The following PCDHA2 variants were observed in gnomAD, a reference collection of about 807,000 sequenced individuals.
PCDHA2 encodes protocadherin alpha-2.
In PCDHA2, 58 loss-of-function variants were observed where a neutral mutation model predicts 66.0. That is an observed-to-expected ratio of 0.88 (90% CI 0.71 to 1.09). The LOEUF is 1.09. PCDHA2 is among the 50% of genes least tolerant of loss of function. The pLI is 0.00. For synonymous variants in PCDHA2, 634 were observed against 554.0 expected (o/e 1.14, Z -2.03); for missense variants, 1,267 against 1,242.3 (o/e 1.02, Z -0.30).
intron 1 of PCDHA2, chr5:140,815,490 TTA>T (rs1226346416): frequency 6.6e-6 from 1 of 151,982 alleles, no homozygotes; most frequent in East Asian, 1.9e-4. Flanking sequence ...TACCCAAATT[TTA>T]TGTTATTGAT....
At chr5:140,969,251 A>T in intron 1 of PCDHA2, 3 of 1,614,262 alleles carry the variant, frequency 1.9e-6, no homozygotes, top group Non-Finnish European at 2.5e-6. Context: ...AGTGACTGAC[A>T]GCAGGAATCT....
chr5:140,870,352 G>C, intron 1 of PCDHA2: 8 of 1,614,226 alleles, frequency 5.0e-6, no homozygotes, highest in Non-Finnish European at 5.9e-6. Context: ...CCGCGAGAAC[G>C]TGTGGGCCTA....
intron 1 of PCDHA2, among the ~76,000 whole-genome samples, chr5:140,844,874 A>G (rs1300687011): frequency 6.7e-6 from 1 of 149,392 alleles, no homozygotes; most frequent in Non-Finnish European, 1.5e-5. Context: ...TTAAATACCC[A>G]TTAGACTTCG....
chr5:141,007,472 G>A (rs2098331789), intron 3 of PCDHA2, among the ~76,000 whole-genome samples: 1 of 151,844 alleles, frequency 6.6e-6, no homozygotes, highest in Non-Finnish European at 1.5e-5. Context: ...GGAGGCTGAG[G>A]CACGAGAATT....
At chr5:141,007,613 T>C (rs1351675120) in intron 3 of PCDHA2, among the ~76,000 whole-genome samples, 1 of 152,056 alleles carries the variant, frequency 6.6e-6, no homozygotes, top group Non-Finnish European at 1.5e-5. Context: ...GAAGCAGATA[T>C]AGGAGAGGTC....
At chr5:140,881,523 C>T in intron 1 of PCDHA2, 1 of 194,568 alleles carries the variant, frequency 5.1e-6, no homozygotes, top group Non-Finnish European at 9.4e-6. Context: ...AAATCCCACA[C>T]ATATTGACTG....
chr5:140,916,732 C>A (rs2077701110), intron 1 of PCDHA2, among the ~76,000 whole-genome samples: 1 of 152,178 alleles, frequency 6.6e-6, no homozygotes, highest in South Asian at 2.1e-4. Flanking sequence ...TTTGTTGCTG[C>A]AAGCTTCACT....
chr5:140,836,323 T>G (rs1408397134), intron 1 of PCDHA2: 1 of 1,613,592 alleles, frequency 6.2e-7, no homozygotes, highest in East Asian at 2.2e-5. Flanking sequence ...CGCCACCGCC[T>G]TCTGGTGCTT....
chr5:140,951,683 A>G (rs1389313679), intron 1 of PCDHA2, among the ~76,000 whole-genome samples: 1 of 152,160 alleles, frequency 6.6e-6, no homozygotes, highest in Non-Finnish European at 1.5e-5. Flanking sequence ...TGGGGATTAC[A>G]ATGTGACATG....
chr5:140,810,615 T>C (rs1764697089), intron 1 of PCDHA2: 1 of 152,218 alleles, frequency 6.6e-6, no homozygotes, highest in South Asian at 2.1e-4. Flanking sequence ...TTATACCTTA[T>C]TTTGTGCAAT....
In PCDHA2 at chr5:140,846,411, A is replaced by G. The variant is rs2150390591; in HGVS notation, c.2388+49059A>G. On this transcript the variant is annotated intron_variant, in intron 1 of 3. Transcript: ENST00000526136. ...TTTTTTTGAGACGGAGTCTCGCTCT[A>G]TCTCCCAGGCTGGAATGCAGTGGCG... is the stretch of plus-strand genomic sequence containing the variant. Among the ~76,000 whole-genome samples the G allele has an allele frequency of 5.5e-3, 604 of 109,334 alleles. 20 individuals are homozygous for G. The highest frequency in any genetic ancestry group is 0.021 in the African/African-American group (587 of 27,602). 71.7% of individuals were successfully genotyped at this position (109,334 alleles called of 152,430 possible). A position where few individuals can be genotyped will look rare whatever the true frequency, so the allele number is the denominator to read the frequency against.
intron 1 of PCDHA2, chr5:140,824,158 C>T (rs2150132728): frequency 6.2e-7 from 1 of 1,611,212 alleles, no homozygotes. Context: ...ATCCATCTTT[C>T]CCTCCCAATT....
At chr5:140,849,302 A>T in intron 1 of PCDHA2, 3 of 1,281,278 alleles carry the variant, frequency 2.3e-6, no homozygotes, top group Non-Finnish European at 3.2e-6. Context: ...CCTCAGATTT[A>T]GACGAAGGCT....
chr5:140,928,379 G>C, intron 1 of PCDHA2: 1 of 1,614,172 alleles, frequency 6.2e-7, no homozygotes, highest in Non-Finnish European at 8.5e-7. Flanking sequence ...TCAGCCTCTA[G>C]CTTGCTGGCA....
chr5:140,866,976 C>T (rs2049689450), intron 1 of PCDHA2: 2 of 152,224 alleles, frequency 1.3e-5, no homozygotes, highest in East Asian at 1.9e-4. Context: ...TCTGAAATAT[C>T]ACAGCCAAAA....
Position 140,928,819 on chromosome 5 carries a change from G to A in PCDHA2, c.2389-50130G>A, listed in dbSNP as rs1464149149. On this transcript the variant is annotated intron_variant, in intron 1 of 3. Coordinates refer to ENST00000526136, the MANE Select transcript of PCDHA2 (RefSeq NM_018905.3). ...GGTGGTAGTGGTTCGGGACCATGGAGACCCACCACTTTCCTCCTCTGTCAC... is the reference window on the plus strand; with the variant it reads ...GGTGGTAGTGGTTCGGGACCATGGAAACCCACCACTTTCCTCCTCTGTCAC... 8 of 1,614,024 alleles carry A rather than the reference G, an allele frequency of 5.0e-6. No homozygotes were observed. In the Admixed American group the frequency reaches 1.0e-4, roughly 20 times the overall value.
chr5:140,970,270 T>C (rs2096394574), intron 1 of PCDHA2, among the ~76,000 whole-genome samples: 1 of 152,234 alleles, frequency 6.6e-6, no homozygotes, highest in Non-Finnish European at 1.5e-5. Context: ...TTTGATGAGA[T>C]GTAAAGTAGC....
chr5:140,852,637 A>G (rs2150521055), intron 1 of PCDHA2: 1 of 959,312 alleles, frequency 1.0e-6, no homozygotes, highest in Non-Finnish European at 1.3e-6. Flanking sequence ...AGCTCCTGTC[A>G]TTAAACCTAT....
chr5:140,945,387 T>C (rs1249675973), intron 1 of PCDHA2, among the ~76,000 whole-genome samples: 1 of 152,102 alleles, frequency 6.6e-6, no homozygotes, highest in Non-Finnish European at 1.5e-5. Flanking sequence ...CAAAGCAATA[T>C]ACAAATTCAA....
Sources: allele counts gnomAD v4.1 joint callset (sites outside exome capture counted in the v4.1 genomes callset), GRCh38; gene constraint gnomAD v4.1.1; transcripts MANE v1.5; gene names NCBI Gene and HGNC (gene_info 2026-07-23, HGNC 2026-07-21).